DCTN2: variants seen among roughly 807,000 people sequenced by gnomAD.
The protein encoded by DCTN2 is 50 kDa dynein-associated polypeptide.
DCTN2 carries 18 observed loss-of-function variants against 55.4 expected under a neutral mutation model. The observed-to-expected ratio is 0.32, with a 90% CI of 0.22 to 0.48. The LOEUF is 0.48. DCTN2 is among the 20% of genes least tolerant of loss of function. The pLI is 0.99. For synonymous variants in DCTN2, 168 were observed against 185.2 expected, an observed-to-expected ratio of 0.91 and a Z score of 0.76; for missense variants, 390 against 491.0, an observed-to-expected ratio of 0.79 and a Z score of 1.94.
intron 4 of DCTN2, 44 bp downstream of exon 4, chr12:57,535,440 G>A: frequency 1.2e-6 from 2 of 1,606,452 alleles, no homozygotes; most frequent in Non-Finnish European, 1.7e-6. Flanking sequence ...GCTAGATAGG[G>A]TCACTACACC....
intron 2 of DCTN2, among the ~76,000 whole-genome samples, chr12:57,540,539 C>G (rs954998356): frequency 1.6e-4 from 24 of 152,162 alleles, no homozygotes; most frequent in Admixed American, 1.6e-3. Flanking sequence ...AAGGGACTCC[C>G]AGACCCCCCA....
chr12:57,530,633 GT>G lies in DCTN2; in HGVS notation c.*55del. 1 of 1,453,804 alleles carries G rather than the reference GT, an allele frequency of 6.9e-7. No individual in the cohort carries two copies. Among genetic ancestry groups the G allele is most frequent in the Non-Finnish European group, 9.6e-7 (1 of 1,040,480 alleles). 90.1% of individuals were successfully genotyped at this position (1,453,804 alleles called of 1,614,324 possible). A position where few individuals can be genotyped will look rare whatever the true frequency, so the allele number is the denominator to read the frequency against. On this transcript the variant is annotated 3_prime_UTR_variant, in exon 14 of 14. Transcript: ENST00000548249. ...GTAAAGGGGAAACCCTATGTAAGCT[GT>G]TAACAGAGTTCACAGGGGTAGGGAT...
At chr12:57,540,349 G>A (rs1234168564) in intron 2 of DCTN2, among the ~76,000 whole-genome samples, 1 of 152,234 alleles carries the variant, frequency 6.6e-6, no homozygotes, top group Non-Finnish European at 1.5e-5. Flanking sequence ...TGGTATATTA[G>A]TTTGCAGATA....
intron 2 of DCTN2, among the ~76,000 whole-genome samples, chr12:57,544,645 A>G (rs1230990434): frequency 6.6e-6 from 1 of 152,104 alleles, no homozygotes; most frequent in Non-Finnish European, 1.5e-5. Flanking sequence ...CACCTGCCTC[A>G]GCCTCCCAAA....
Position 57,532,273 on chromosome 12 carries a change from C to T in DCTN2, c.967G>A (p.Ala323Thr), listed in dbSNP as rs373233966. 1 of 1,563,474 alleles carries T rather than the reference C, an allele frequency of 6.4e-7. No individual in the cohort carries two copies. The highest frequency in any genetic ancestry group is 8.7e-7 in the Non-Finnish European group (1 of 1,153,386). Residue 323 changes from alanine (A) to threonine (T), a missense_variant, in exon 12 of 14, where the codon GCC (alanine) becomes ACC (threonine). By Grantham distance (58) the Ala-to-Thr change is moderately conservative (BLOSUM62 0). Around this residue, in one of 2 missense-constraint regions of DCTN2, gnomAD observed 273 missense variants for 303.2 expected, o/e 0.90. Transcript: ENST00000548249. ...YETIQRWSPI[A>T]STLPELVQRL... ...TGCACCAGCTCAGGGAGGGTGGAGG[C>T]AATGGGGCTCCAGCGCTGTATAGTT... is the stretch of plus-strand genomic sequence containing the variant.
chr12:57,539,692 CA>C (rs1334330210), intron 2 of DCTN2, among the ~76,000 whole-genome samples: 1 of 152,154 alleles, frequency 6.6e-6, no homozygotes. Flanking sequence ...CTCTTAATCA[CA>C]ACCTCTCTGT....
chr12:57,532,883 A>C lies in DCTN2; in HGVS notation c.775-73T>G. The C allele has an allele frequency of 1.9e-6, 3 of 1,598,832 alleles. No individual in the cohort carries two copies. The South Asian group carries it at 3.3e-5, about 18-fold the overall frequency. On this transcript the variant is annotated intron_variant, in intron 9 of 13. Coordinates refer to ENST00000548249, the MANE Select transcript of DCTN2 (RefSeq NM_001261413.2). The stretch of plus-strand genomic sequence containing the variant: ...AGCAAGAGGCCTCCCATATTCCACT[A>C]AATTAATATATAGCTACAAACTCAA...
intron 7 of DCTN2, 106 bp from the exon 8 acceptor site, chr12:57,533,409 T>C: frequency 9.9e-7 from 1 of 1,010,552 alleles, no homozygotes; most frequent in Non-Finnish European, 1.6e-6. Context: ...CCCAAGGGAT[T>C]CCTTTCCCTG....
Position 57,533,261 on chromosome 12 carries a change from C to T in DCTN2, c.712G>A (p.Val238Ile), listed in dbSNP as rs755661027. The T allele has an allele frequency of 6.2e-7, 1 of 1,613,976 alleles. No individual in the cohort carries two copies. The highest frequency in any genetic ancestry group is 8.5e-7 in the Non-Finnish European group (1 of 1,179,886). ...ACCTGAGCATCCTGATCACAACGTA[C>T]AGCTGTCTCCAGCTCTGTCAGGCGC... The part of the protein sequence containing the change: ...EKRLTELETA[V>I]RCDQDAQNPL... The change falls in exon 8 of 14, where the codon GTA becomes ATA. Residue 238 changes from valine (V) to isoleucine (I), a missense_variant. Physicochemically the swap from Val to Ile is conservative, Grantham distance 29. This residue lies in a region of DCTN2 where 273 missense variants were observed against 303.2 expected (regional missense o/e 0.90). Coordinates refer to ENST00000548249, the MANE Select transcript of DCTN2 (RefSeq NM_001261413.2).
intron 1 of DCTN2, 87 bp from the exon 2 acceptor site, chr12:57,546,183 A>C: frequency 7.7e-7 from 1 of 1,298,510 alleles, no homozygotes; most frequent in African/African-American, 1.5e-5. Flanking sequence ...AAGCTAACAG[A>C]GAAGGCGGGG....
At position 57,531,797 on chromosome 12, in the gene DCTN2, T is replaced by C. The variant is rs184178375; in HGVS notation, c.1119+218A>G. Among the ~76,000 whole-genome samples, 11 of 152,208 alleles carry C rather than the reference T, an allele frequency of 7.2e-5. No homozygotes were observed. The East Asian group carries it at 1.9e-3, about 27-fold the overall frequency. Reference sequence around the variant, plus strand: ...TATTATTTCACCTCATCTACATAACTCTGAGGGAGGTATAATTTCCCAGAT... The same window carrying C: ...TATTATTTCACCTCATCTACATAACCCTGAGGGAGGTATAATTTCCCAGAT... On this transcript the variant is annotated intron_variant, in intron 13 of 13. Transcript: ENST00000548249.
intron 4 of DCTN2, 64 bp downstream of exon 4, chr12:57,535,420 C>G: frequency 6.3e-7 from 1 of 1,582,834 alleles, no homozygotes; most frequent in Non-Finnish European, 8.7e-7. Flanking sequence ...GATCTCCCTA[C>G]TACATGTCTG....
intron 2 of DCTN2, among the ~76,000 whole-genome samples, 194 bp downstream of exon 2, chr12:57,545,834 T>C (rs539275126): frequency 1.3e-5 from 2 of 152,208 alleles, no homozygotes; most frequent in Admixed American, 1.3e-4. Context: ...TCCGCTGACT[T>C]GACTCTCCCT....
chr12:57,534,446 C>G lies in DCTN2; in HGVS notation c.370G>C (p.Val124Leu). ...TTCTCCTCTGTGGCTGACTCCTTCA[C>G]TGTCGTCTAGTATGAAAAAAGGTAG... ...TTEVEKIKTT[V>L]KESATEEKLT... The change falls in exon 6 of 14, where the codon GTG becomes CTG. Residue 124 changes from valine (V) to leucine (L), a missense_variant. Around this residue, in one of 2 missense-constraint regions of DCTN2, gnomAD observed 117 missense variants for 187.8 expected, o/e 0.62. Coordinates refer to ENST00000548249, the MANE Select transcript of DCTN2 (RefSeq NM_001261413.2). The G allele has an allele frequency of 6.3e-7, 1 of 1,591,880 alleles. No homozygotes were observed.
At chr12:57,544,395 GT>G (rs11356561) in intron 2 of DCTN2, among the ~76,000 whole-genome samples, 140,812 of 145,630 alleles carry the variant, frequency 0.97, 68,184 homozygotes, top group Non-Finnish European at 1. Flanking sequence ...TTTAAATTTT[GT>G]TTTTTTTTTT....
In DCTN2 at chr12:57,532,567, C is replaced by T. The variant is rs748530280; in HGVS notation, c.924+5G>A. 6.2e-7 allele frequency: 1 copy of T among 1,613,950 alleles called. No individual in the cohort carries two copies. On this transcript the variant is annotated splice_donor_5th_base_variant and intron_variant, in intron 11 of 13. Coordinates refer to ENST00000548249, the MANE Select transcript of DCTN2 (RefSeq NM_001261413.2). ...GAAAGGAGATGGGGAAGGTGTCTTC[C>T]TGACCTTGCTTTGTGTATCTGCATC...
At chr12:57,533,880 T>C in intron 7 of DCTN2, 73 bp downstream of exon 7, 1 of 1,469,288 alleles carries the variant, frequency 6.8e-7, no homozygotes, top group Non-Finnish European at 9.1e-7. Context: ...ACCCTCTCCT[T>C]GGAGAGAGGC....
chr12:57,542,826 A>G (rs1391180477), intron 2 of DCTN2: 2 of 455,690 alleles, frequency 4.4e-6, no homozygotes, highest in African/African-American at 4.0e-5. Context: ...CTCAAAAACC[A>G]AAAAGAAATC....
Position 57,530,371 on chromosome 12 carries a change from A to G in DCTN2, c.*318T>C. ...GTACAGTATTACAGTCAGCCACAGA[A>G]GCTGTGTTGGGGGACAAGACCCAAT... On this transcript the variant is annotated 3_prime_UTR_variant, in exon 14 of 14. Transcript: ENST00000548249. 1 of 298,866 alleles carries G rather than the reference A, an allele frequency of 3.3e-6. No individual in the cohort carries two copies. The highest frequency in any genetic ancestry group is 6.4e-6 in the Non-Finnish European group (1 of 156,780). 18.5% of individuals were successfully genotyped at this position (298,866 alleles called of 1,614,324 possible).
Sources: gnomAD v4.1 joint callset for allele counts (sites outside exome capture counted in the v4.1 genomes callset) on GRCh38, gnomAD v4.1.1 for gene constraint, gnomAD v4.1.1 regional missense constraint, MANE v1.5 for transcripts, NCBI Gene and HGNC (gene_info 2026-07-23, HGNC 2026-07-21) for gene names.